Variants in CFAP65 observed in about 807,000 individuals in gnomAD.
CFAP65 encodes cilia and flagella associated protein 65.
Under a neutral mutation model 208.0 loss-of-function variants are expected in CFAP65, and 155 were observed. The ratio of observed to expected loss-of-function variants is 0.75; its 90% CI spans 0.65 to 0.85. The LOEUF is 0.85. Ranked by LOEUF, CFAP65 falls within the 40% of genes least tolerant of loss-of-function variation. The probability of loss-of-function intolerance (pLI) is 0.00; values close to 1 mark genes in which losing one functional copy is unlikely to be tolerated. For synonymous variants in CFAP65, 970 were observed against 986.3 expected, an observed-to-expected ratio of 0.98 and a Z score of 0.31; for missense variants, 2,294 against 2,451.3, an observed-to-expected ratio of 0.94 and a Z score of 1.36.
rs757279396 is a variant in CFAP65 at position 219,031,099 on chromosome 2, G to A, written c.1015+7C>T. 1.3e-6 allele frequency: 2 copies of A among 1,576,382 alleles called. No homozygotes were observed. The highest frequency in any genetic ancestry group is 1.3e-5 in the African/African-American group (1 of 74,430). On this transcript the variant is annotated splice_region_variant and intron_variant, in intron 8 of 34. Transcript: ENST00000341552. This position sits in a 1 kb window ranked among gnomAD's most constrained non-coding sequence, Gnocchi z 5.2. ...CAGTCTGGGGACGGTGGGAGGTTGGGCCTCACCCACAGCCTGCAGCTGGAT... is the reference window on the plus strand; with the variant it reads ...CAGTCTGGGGACGGTGGGAGGTTGGACCTCACCCACAGCCTGCAGCTGGAT...
At chr2:219,029,783 G>A in intron 10 of CFAP65, 115 bp from the exon 11 acceptor site, 3 of 1,343,912 alleles carry the variant, frequency 2.2e-6, no homozygotes, top group African/African-American at 1.5e-5. Flanking sequence ...GGCAGCCTGA[G>A]CAGAACTCCA....
At chr2:219,013,741 T>C in intron 22 of CFAP65, 127 bp downstream of exon 22, 1 of 1,153,686 alleles carries the variant, frequency 8.7e-7, no homozygotes. Context: ...TTAGACCTCC[T>C]CTGCAGGTGA....
In CFAP65 at chr2:219,003,169, G is replaced by C; in HGVS notation, c.5659C>G (p.Arg1887Gly). The C allele has an allele frequency of 6.5e-7, 1 of 1,545,678 alleles. No homozygotes were observed. The highest frequency in any genetic ancestry group is 8.7e-7 in the Non-Finnish European group (1 of 1,143,828). ...RGEVVLTSRP[R>G]VIALPPFCVP... ...CAGAACGGCGGCAGGGCGATGACGC[G>C]TGGCCGCGAGGTGAGTACCACCTCC... The change falls in exon 34 of 35, where the codon CGC (arginine) becomes GGC (glycine). Residue 1887 changes from arginine (R) to glycine (G), a missense_variant. Physicochemically the swap from Arg to Gly is moderately radical, Grantham distance 125. Coordinates refer to ENST00000341552, the MANE Select transcript of CFAP65 (RefSeq NM_194302.4). The surrounding 1 kb of genome is among the most constrained non-coding windows in gnomAD (Gnocchi z 4.4).
chr2:219,037,606 G>C (rs999868372), intron 4 of CFAP65, among the ~76,000 whole-genome samples: 1 of 152,128 alleles, frequency 6.6e-6, no homozygotes, highest in Non-Finnish European at 1.5e-5. Flanking sequence ...AACAGAGAGA[G>C]GAAGAGAAGA....
In CFAP65 at chr2:219,010,931, T is replaced by A. The variant is rs374515528; in HGVS notation, c.4023A>T (p.Ser1341=). ...GATCAAAATTTTTTTCCTGAACCTG[T>A]GACAGGACATCGGTCTGGACCTCAT... ...VTYEVQTDVL[S]QVQEKNFDHP... is the part of the protein sequence containing the mutation. Residue 1341 remains serine, a synonymous_variant, in exon 25 of 35, where the codon TCA becomes TCT. Coordinates refer to ENST00000341552, the MANE Select transcript of CFAP65 (RefSeq NM_194302.4). 361 of 1,613,920 alleles carry A rather than the reference T, an allele frequency of 2.2e-4. No individual in the cohort carries two copies. Among genetic ancestry groups the A allele is most frequent in the Non-Finnish European group, 2.2e-4 (259 of 1,180,012 alleles).
At chr2:219,040,619 C>G in intron 1 of CFAP65, 55 bp from the exon 2 acceptor site, 1 of 1,552,092 alleles carries the variant, frequency 6.4e-7, no homozygotes, top group Non-Finnish European at 8.7e-7. Context: ...GGTCTTGCAG[C>G]CCTGTCCTGA....
chr2:219,022,323 T>C lies in CFAP65; in HGVS notation c.2827A>G (p.Thr943Ala). ...LIQPNERLTL[T>A]WTFSPLEETK... The stretch of plus-strand genomic sequence containing the variant: ...TCCTCCAAAGGGCTGAAGGTCCACG[T>C]CAGCGTCTGGGGTCACAGAAATGAT... The change falls in exon 17 of 35, where the codon ACG (threonine) becomes GCG (alanine). Residue 943 changes from threonine (T) to alanine (A), a missense_variant. Physicochemically the swap from Thr to Ala is moderately conservative, Grantham distance 58. Transcript: ENST00000341552. The C allele has an allele frequency of 6.3e-7, 1 of 1,599,598 alleles. No individual in the cohort carries two copies. The highest frequency in any genetic ancestry group is 8.5e-7 in the Non-Finnish European group (1 of 1,173,284).
At chr2:219,018,081 T>C (rs1947023540) in intron 21 of CFAP65, among the ~76,000 whole-genome samples, 1 of 151,962 alleles carries the variant, frequency 6.6e-6, no homozygotes, top group African/African-American at 2.4e-5. Flanking sequence ...TCACTCCACA[T>C]TCCCCAAGGC....
intron 21 of CFAP65, among the ~76,000 whole-genome samples, chr2:219,017,576 G>A (rs1045417334): frequency 3.3e-5 from 5 of 152,260 alleles, no homozygotes; most frequent in African/African-American, 1.2e-4. Context: ...CCTGGAAGAG[G>A]CACGGACTGC....
intron 15 of CFAP65, 37 bp from the exon 16 acceptor site, chr2:219,023,468 ACT>A (rs764353965): frequency 1.4e-6 from 2 of 1,420,660 alleles, no homozygotes; most frequent in Non-Finnish European, 1.9e-6. Context: ...CCCTGACCTC[ACT>A]CTGCAGTCCC....
At chr2:219,010,155 G>C (rs1183692894) in intron 26 of CFAP65, 70 bp from the exon 27 acceptor site, 1 of 1,468,290 alleles carries the variant, frequency 6.8e-7, no homozygotes, top group South Asian at 1.4e-5. Context: ...TGTAATCCCA[G>C]CACTTTGGGA....
chr2:219,038,766 G>C, intron 3 of CFAP65, 130 bp downstream of exon 3: 1 of 1,176,426 alleles, frequency 8.5e-7, no homozygotes, highest in Non-Finnish European at 1.2e-6. Flanking sequence ...GGGAGCCCAG[G>C]GACTCACCCT....
At chr2:219,006,411 C>G in intron 30 of CFAP65, 54 bp downstream of exon 30, 1 of 1,605,462 alleles carries the variant, frequency 6.2e-7, no homozygotes, top group Non-Finnish European at 8.5e-7. Flanking sequence ...TGGGAGCAAG[C>G]AAGGACCCTC....
chr2:219,010,000 A>T lies in CFAP65; in HGVS notation c.4394T>A (p.Ile1465Asn), dbSNP rs774515374. 2 of 1,612,706 alleles carry T rather than the reference A, an allele frequency of 1.2e-6. No individual in the cohort carries two copies. The highest frequency in any genetic ancestry group is 1.7e-6 in the Non-Finnish European group (2 of 1,179,602). ...GAAGGCAATTTCCTCGTTCTTGGAG[A>T]TGTTGTTGAGGAAGAGCAGGCGGCT... ...KCSRLLFLNN[I>N]SKNEEIAFSW... The change falls in exon 27 of 35, where the codon ATC (isoleucine) becomes AAC (asparagine). Residue 1465 changes from isoleucine (I) to asparagine (N), a missense_variant. Around this residue, in one of 2 missense-constraint regions of CFAP65, gnomAD observed 1,427 missense variants for 1,438.7 expected, o/e 0.99. Transcript: ENST00000341552.
rs1947241591 is a variant in CFAP65 at position 219,021,183 on chromosome 2, C to G, written c.3228G>C (p.Trp1076Cys). ...GGGAAAGGAGAGAGTAGGTGATGGT[C>G]CAGGAGTACTGGGACCGCTGCTTGG... Reference protein sequence around the residue: ...ACPKQRSQYSWTITYSLLSHR... With the variant: ...ACPKQRSQYSCTITYSLLSHR... The change falls in exon 19 of 35, where the codon TGG (tryptophan) becomes TGC (cysteine). Residue 1076 changes from tryptophan (W) to cysteine (C), a missense_variant. By Grantham distance (215) the Trp-to-Cys change is radical (BLOSUM62 -2). Transcript: ENST00000341552. The G allele has an allele frequency of 6.3e-7, 1 of 1,599,072 alleles. No homozygotes were observed. The highest frequency in any genetic ancestry group is 8.5e-7 in the Non-Finnish European group (1 of 1,172,340).
rs1947143471 is a variant in CFAP65 at position 219,019,620 on chromosome 2, T to C, written c.3359A>G (p.Glu1120Gly). ...ILDVSSMGSA[E>G]GITRKHLWRL... ...CCACAGGTGCTTCCGGGTGATACCC[T>C]CAGCACTGCCCATGGAGCTGACATC... is the stretch of plus-strand genomic sequence containing the variant. The change falls in exon 20 of 35, where the codon GAG (glutamate) becomes GGG (glycine). Residue 1120 changes from glutamate (E) to glycine (G), a missense_variant. Glu to Gly is a moderately conservative substitution (Grantham distance 98). Transcript: ENST00000341552. 6.2e-7 allele frequency: 1 copy of C among 1,613,850 alleles called. No individual in the cohort carries two copies. Among genetic ancestry groups the C allele is most frequent in the Non-Finnish European group, 8.5e-7 (1 of 1,180,022 alleles).
Position 219,038,888 on chromosome 2 carries a change from T to G in CFAP65, c.153+8A>C. The G allele has an allele frequency of 6.2e-7, 1 of 1,602,598 alleles. No individual in the cohort carries two copies. The highest frequency in any genetic ancestry group is 8.5e-7 in the Non-Finnish European group (1 of 1,174,088). On this transcript the variant is annotated splice_region_variant and intron_variant, in intron 3 of 34. Transcript: ENST00000341552. ...CTCCAGTGGGTGTTACTGAAGTGTG[T>G]GCATTACCTTTATCTGGCTTTTACT... is the stretch of plus-strand genomic sequence containing the variant.
intron 10 of CFAP65, 142 bp from the exon 11 acceptor site, chr2:219,029,810 G>T: frequency 8.4e-7 from 1 of 1,184,172 alleles, no homozygotes; most frequent in Non-Finnish European, 1.2e-6. Flanking sequence ...CTGGATGCCA[G>T]TGGGACTGGG....
chr2:219,005,637 A>C, intron 31 of CFAP65, 75 bp from the exon 32 acceptor site: 2 of 1,563,884 alleles, frequency 1.3e-6, no homozygotes, highest in Non-Finnish European at 1.8e-6. Context: ...CAGTGGTGGT[A>C]GCTGCCCAGT....
Sources: allele counts gnomAD v4.1 joint callset (sites outside exome capture counted in the v4.1 genomes callset), GRCh38; gene constraint gnomAD v4.1.1; regional missense constraint gnomAD v4.1.1; non-coding constraint Gnocchi (gnomAD v3.1); transcripts MANE v1.5; gene names NCBI Gene and HGNC (gene_info 2026-07-23, HGNC 2026-07-21).